RBFOX1: variants seen among roughly 807,000 people sequenced by gnomAD.
The protein encoded by RBFOX1 is RNA binding fox-1 homolog 1.
A neutral mutation model predicts 57.7 loss-of-function variants in RBFOX1; 8 were observed. That is an observed-to-expected ratio of 0.14 (90% CI 0.08 to 0.25). RBFOX1 has a LOEUF of 0.25. Ranked by LOEUF, RBFOX1 falls within the 10% of genes least tolerant of loss-of-function variation. RBFOX1 has a pLI of 1.00. For synonymous variants in RBFOX1, 326 were observed against 222.4 expected (o/e 1.47, Z -4.15); for missense variants, 611 against 548.5 (o/e 1.11, Z -1.14).
At chr16:7,031,828 A>C (rs767317109) in intron 3 of RBFOX1, among the ~76,000 whole-genome samples, 3 of 152,180 alleles carry the variant, frequency 2.0e-5, no homozygotes, top group African/African-American at 4.8e-5. Flanking sequence ...ATGTAAGCCA[A>C]CGTGGTCCTT....
At chr16:5,675,469 A>G (rs1204131153) in intron 3 of RBFOX1, among the ~76,000 whole-genome samples, 1 of 152,218 alleles carries the variant, frequency 6.6e-6, no homozygotes, top group East Asian at 1.9e-4. Context: ...TCACGTGCCC[A>G]GTGGGAAGAA....
At chr16:7,474,509 C>A (rs542201380) in intron 4 of RBFOX1, among the ~76,000 whole-genome samples, 1 of 152,220 alleles carries the variant, frequency 6.6e-6, no homozygotes, top group Non-Finnish European at 1.5e-5. Flanking sequence ...ACCTGGTGAA[C>A]AGCCAACTAT....
At chr16:6,634,407 C>CTA (rs2098414797) in intron 2 of RBFOX1, among the ~76,000 whole-genome samples, 1 of 151,746 alleles carries the variant, frequency 6.6e-6, no homozygotes, top group East Asian at 1.9e-4. Context: ...TATGTTTACT[C>CTA]TAAAATAGGG....
At chr16:5,842,483 C>A (rs566016068) in intron 3 of RBFOX1, among the ~76,000 whole-genome samples, 2 of 152,212 alleles carry the variant, frequency 1.3e-5, no homozygotes, top group Non-Finnish European at 2.9e-5. Flanking sequence ...CTACTGCATG[C>A]CTGCCACTGT....
chr16:6,695,195 G>C (rs2060832395), intron 3 of RBFOX1, among the ~76,000 whole-genome samples: 1 of 152,088 alleles, frequency 6.6e-6, no homozygotes, highest in African/African-American at 2.4e-5. Context: ...CAAGGCGGTT[G>C]GGTCGCCTGA....
intron 2 of RBFOX1, among the ~76,000 whole-genome samples, chr16:5,527,666 G>A (rs1020700249): frequency 6.6e-6 from 1 of 152,046 alleles, no homozygotes; most frequent in Admixed American, 6.5e-5. Context: ...ATGGTTTTTT[G>A]GGTTTTGTGC....
chr16:6,781,092 C>T (rs1171463159), intron 3 of RBFOX1, among the ~76,000 whole-genome samples: 1 of 152,100 alleles, frequency 6.6e-6, no homozygotes, highest in Non-Finnish European at 1.5e-5. Flanking sequence ...GAAGCATTTC[C>T]ACAGTGTTTT....
Position 6,019,705 on chromosome 16 carries a change from A to G in RBFOX1, c.-414A>G. 1 of 1,344,500 alleles carries G rather than the reference A, an allele frequency of 7.4e-7. No homozygotes were observed. Among genetic ancestry groups the G allele is most frequent in the Non-Finnish European group, 9.5e-7 (1 of 1,047,824 alleles). The allele number at this position is 1,344,500 out of a possible 1,614,324, so 83.3% of individuals were successfully genotyped here. ...AACTCCGAGCTTCTTGCCCAGGCAGAGAGAGCAGGAGCGGACCGCGCGCCC... is the reference window on the plus strand; with the variant it reads ...AACTCCGAGCTTCTTGCCCAGGCAGGGAGAGCAGGAGCGGACCGCGCGCCC... On this transcript the variant is annotated 5_prime_UTR_variant, in exon 1 of 16. Coordinates refer to ENST00000550418, the MANE Select transcript of RBFOX1 (RefSeq NM_018723.4). The surrounding 1 kb of genome is among the most constrained non-coding windows in gnomAD (Gnocchi z 4.2).
intron 1 of RBFOX1, among the ~76,000 whole-genome samples, chr16:6,240,603 C>T (rs181163901): frequency 1.3e-5 from 2 of 152,246 alleles, no homozygotes; most frequent in Admixed American, 1.3e-4. Context: ...ACCCCAGGCC[C>T]TTTCCCAATA....
At chr16:6,417,833 G>C (rs138578477) in intron 2 of RBFOX1, among the ~76,000 whole-genome samples, 5 of 151,548 alleles carry the variant, frequency 3.3e-5, no homozygotes, top group African/African-American at 1.2e-4. Flanking sequence ...GTATCCGTTA[G>C]TTATTTTTCC....
At chr16:5,620,951 C>T (rs1447572432) in intron 3 of RBFOX1, among the ~76,000 whole-genome samples, 2 of 152,102 alleles carry the variant, frequency 1.3e-5, no homozygotes, top group African/African-American at 4.8e-5. Flanking sequence ...TGCCATTCTC[C>T]TGCCTCAGCC....
chr16:7,664,653 C>A, intron 12 of RBFOX1: 1 of 485,304 alleles, frequency 2.1e-6, no homozygotes, highest in South Asian at 3.3e-5. Flanking sequence ...AAAGTCGTGC[C>A]TTTCTGTACC....
intron 3 of RBFOX1, among the ~76,000 whole-genome samples, chr16:5,816,287 T>C (rs1039639836): frequency 1.3e-5 from 2 of 152,166 alleles, no homozygotes; most frequent in African/African-American, 4.8e-5. Context: ...TCCTCCCTCA[T>C]CTAGGAAGAT....
chr16:5,838,657 G>A (rs2056536263), intron 3 of RBFOX1: 1 of 153,718 alleles, frequency 6.5e-6, no homozygotes, highest in Non-Finnish European at 1.5e-5. Flanking sequence ...GGGCCCAGCA[G>A]TCACTTTCTC....
At chr16:6,857,290 C>T (rs765484150) in intron 3 of RBFOX1, among the ~76,000 whole-genome samples, 10 of 151,950 alleles carry the variant, frequency 6.6e-5, no homozygotes, top group Non-Finnish European at 1.3e-4. Flanking sequence ...AGGAAGAATC[C>T]CAAAGAAGAA....
At chr16:5,981,015 A>G (rs868022493) in intron 4 of RBFOX1, among the ~76,000 whole-genome samples, 1 of 152,178 alleles carries the variant, frequency 6.6e-6, no homozygotes, top group African/African-American at 2.4e-5. Flanking sequence ...CTGGGAGCTC[A>G]CGGAAAATGC....
intron 11 of RBFOX1, among the ~76,000 whole-genome samples, chr16:7,642,762 T>C (rs1461091783): frequency 2.0e-5 from 3 of 152,202 alleles, no homozygotes; most frequent in Admixed American, 6.5e-5. Flanking sequence ...TAATAGATGA[T>C]GACGAACTGC....
At chr16:5,542,835 C>A (rs1041700624) in intron 2 of RBFOX1, among the ~76,000 whole-genome samples, 7 of 152,168 alleles carry the variant, frequency 4.6e-5, no homozygotes, top group African/African-American at 1.7e-4. Context: ...CCCTAAGGTT[C>A]AATGTCCACT....
chr16:7,004,660 T>C (rs1270584527), intron 3 of RBFOX1, among the ~76,000 whole-genome samples: 1 of 152,238 alleles, frequency 6.6e-6, no homozygotes, highest in Admixed American at 6.5e-5. Flanking sequence ...TGTCTGGGCA[T>C]TTTTTCTATA....
Sources: gnomAD v4.1 joint callset for allele counts (sites outside exome capture counted in the v4.1 genomes callset) on GRCh38, gnomAD v4.1.1 for gene constraint, Gnocchi (gnomAD v3.1) non-coding constraint, MANE v1.5 for transcripts, NCBI Gene and HGNC (gene_info 2026-07-23, HGNC 2026-07-21) for gene names.